The following FRMD3 variants were observed in gnomAD, a reference collection of about 807,000 sequenced individuals.
FRMD3 encodes the protein FERM domain containing 3.
FRMD3 carries 33 observed loss-of-function variants against 70.2 expected under a neutral mutation model. The observed-to-expected ratio is 0.47, with a 90% CI of 0.36 to 0.63. The LOEUF (loss-of-function observed/expected upper bound fraction) is 0.63, where lower values mean the gene tolerates loss of function less well. Ranked by LOEUF, FRMD3 falls within the 20% of genes least tolerant of loss-of-function variation. The pLI, the probability that FRMD3 is intolerant of heterozygous loss-of-function variation, is 0.00. For synonymous variants in FRMD3, 279 were observed against 255.9 expected, an observed-to-expected ratio of 1.09 and a Z score of -0.86; for missense variants, 632 against 711.4, an observed-to-expected ratio of 0.89 and a Z score of 1.27.
At chr9:83,283,742 T>C (rs998776675) in intron 13 of FRMD3, among the ~76,000 whole-genome samples, 16 of 152,252 alleles carry the variant, frequency 1.1e-4, no homozygotes, top group African/African-American at 3.1e-4. Context: ...TGCCATTAGA[T>C]AAGAATGTTC....
intron 1 of FRMD3, among the ~76,000 whole-genome samples, chr9:83,459,920 A>G (rs889712776): frequency 4.6e-5 from 7 of 152,242 alleles, no homozygotes; most frequent in African/African-American, 9.6e-5. Flanking sequence ...CTGTCCTCAC[A>G]TAGCCTTGCC....
Position 83,245,604 on chromosome 9 carries a change from A to C in FRMD3, c.*2314T>G. On this transcript the variant is annotated 3_prime_UTR_variant, in exon 14 of 14. Coordinates refer to ENST00000304195, the MANE Select transcript of FRMD3 (RefSeq NM_174938.6). Reference sequence around the variant, plus strand: ...TTGGATTACATGTGATATTTATACTATCATATTTTTTAAGTATTTTACAAT... The same window carrying C: ...TTGGATTACATGTGATATTTATACTCTCATATTTTTTAAGTATTTTACAAT... 2 of 805,542 alleles carry C rather than the reference A, an allele frequency of 2.5e-6. No homozygotes were observed. Among genetic ancestry groups the C allele is most frequent in the Non-Finnish European group, 3.0e-6 (2 of 665,640 alleles). 49.9% of individuals were successfully genotyped at this position (805,542 alleles called of 1,614,324 possible).
chr9:83,450,144 C>T (rs948784019), intron 1 of FRMD3, among the ~76,000 whole-genome samples: 22 of 152,032 alleles, frequency 1.4e-4, no homozygotes, highest in African/African-American at 4.6e-4. Flanking sequence ...GAAAATTAGA[C>T]GGCAAAGCCT....
At chr9:83,447,719 A>G (rs1433842978) in intron 1 of FRMD3, among the ~76,000 whole-genome samples, 3 of 152,214 alleles carry the variant, frequency 2.0e-5, no homozygotes. Context: ...CACAGAGGCC[A>G]GAAAATCCAG....
chr9:83,388,676 G>A (rs17086209), intron 2 of FRMD3, among the ~76,000 whole-genome samples: 8,156 of 152,278 alleles, frequency 0.054, 324 homozygotes, highest in South Asian at 0.1. Context: ...AAAAAGGGTA[G>A]GTGTCTCCAG....
chr9:83,332,423 T>A (rs1823414051), intron 6 of FRMD3, among the ~76,000 whole-genome samples: 1 of 151,978 alleles, frequency 6.6e-6, no homozygotes, highest in African/African-American at 2.4e-5. Flanking sequence ...CAAAGAACTC[T>A]GTTATTCTTG....
chr9:83,283,967 T>C (rs932389794), intron 13 of FRMD3, among the ~76,000 whole-genome samples: 4 of 152,034 alleles, frequency 2.6e-5, no homozygotes, highest in East Asian at 1.9e-4. Flanking sequence ...GAATTTAGTA[T>C]ACTGGATAAC....
intron 6 of FRMD3, among the ~76,000 whole-genome samples, chr9:83,322,777 T>A (rs537639397): frequency 1.2e-4 from 19 of 152,296 alleles, no homozygotes; most frequent in African/African-American, 4.6e-4. Flanking sequence ...ATTAGTCAGT[T>A]CCCAGCTGGG....
chr9:83,536,677 G>A (rs1410871290), intron 1 of FRMD3, among the ~76,000 whole-genome samples: 2 of 152,010 alleles, frequency 1.3e-5, no homozygotes, highest in Admixed American at 1.3e-4. Flanking sequence ...AAATTCAATG[G>A]GAGCCTACTT....
upstream of FRMD3, among the ~76,000 whole-genome samples, chr9:83,543,474 C>T (rs867082065): frequency 2.6e-5 from 4 of 152,194 alleles, no homozygotes; most frequent in South Asian, 2.1e-4. Context: ...TGTCAGCAAC[C>T]CCCAAATTTG....
chr9:83,298,751 T>A lies in FRMD3; in HGVS notation c.1067A>T (p.His356Leu). ...CCCACAGTGATCATCCACTCACCTG[T>A]GCACCTCAGGAGGCTCCCTCTGGAT... ...SKIQREPPEV[H>L]RANITQSRSS... The change falls in exon 12 of 14, where the codon CAC becomes CTC. Residue 356 changes from histidine to leucine, a missense_variant. Coordinates refer to ENST00000304195, the MANE Select transcript of FRMD3 (RefSeq NM_174938.6). The A allele has an allele frequency of 6.2e-7, 1 of 1,614,068 alleles. No homozygotes were observed. Among genetic ancestry groups the A allele is most frequent in the Non-Finnish European group, 8.5e-7 (1 of 1,179,886 alleles).
At position 83,273,891 on chromosome 9, in the gene FRMD3, C is replaced by T. The variant is rs115489358; in HGVS notation, c.1195+16712G>A. Among the ~76,000 whole-genome samples, 787 of 152,290 alleles carry T rather than the reference C, an allele frequency of 5.2e-3. 8 individuals are homozygous for T. The highest frequency in any genetic ancestry group is 0.018 in the African/African-American group (760 of 41,548). On this transcript the variant is annotated intron_variant, in intron 13 of 13. Transcript: ENST00000304195. ...AGTTCAGTGGCCCATCCATAGCTCA[C>T]TGCAGCCTCGACCTCCTGGGCTTCA...
chr9:83,547,534 A>C, the FRMD3 span, among the ~76,000 whole-genome samples: 1 of 152,050 alleles, frequency 6.6e-6, no homozygotes, highest in Non-Finnish European at 1.5e-5. Context: ...TCAGATTCAT[A>C]AAAACAAATA....
chr9:83,415,485 C>G (rs1011786236), intron 1 of FRMD3, among the ~76,000 whole-genome samples: 10 of 150,212 alleles, frequency 6.7e-5, no homozygotes, highest in African/African-American at 2.5e-4. Context: ...CTCTGTCACC[C>G]AGGCTGGAGT....
intron 2 of FRMD3, among the ~76,000 whole-genome samples, chr9:83,386,013 G>A (rs879268127): frequency 1.3e-5 from 2 of 152,088 alleles, no homozygotes; most frequent in South Asian, 2.1e-4. Flanking sequence ...ACAACCAAGA[G>A]TGAAAATAAC....
intron 1 of FRMD3, among the ~76,000 whole-genome samples, chr9:83,443,081 A>G (rs1827350665): frequency 6.6e-6 from 1 of 152,196 alleles, no homozygotes; most frequent in South Asian, 2.1e-4. Context: ...ATATCACTGT[A>G]TGGGGAATCA....
intron 3 of FRMD3, among the ~76,000 whole-genome samples, chr9:83,357,751 G>C (rs970359095): frequency 3.3e-5 from 5 of 152,034 alleles, no homozygotes; most frequent in South Asian, 2.1e-4. Flanking sequence ...CATGTCCTTA[G>C]CCCACTTTTT....
chr9:83,533,000 T>A (rs971251695), intron 1 of FRMD3, among the ~76,000 whole-genome samples: 2 of 152,202 alleles, frequency 1.3e-5, no homozygotes, highest in African/African-American at 4.8e-5. Flanking sequence ...CAGGCAGAGC[T>A]TTGGAACAGC....
At chr9:83,412,165 T>C (rs1395351929) in intron 1 of FRMD3, among the ~76,000 whole-genome samples, 1 of 152,224 alleles carries the variant, frequency 6.6e-6, no homozygotes, top group Non-Finnish European at 1.5e-5. Context: ...TCTCTTTGTG[T>C]CCTGCTTCTT....
Sources: gnomAD v4.1 joint callset for allele counts (sites outside exome capture counted in the v4.1 genomes callset) on GRCh38, gnomAD v4.1.1 for gene constraint, MANE v1.5 for transcripts, NCBI Gene and HGNC (gene_info 2026-07-23, HGNC 2026-07-21) for gene names.